PKDCC: variants seen among roughly 807,000 people sequenced by gnomAD.
The protein encoded by PKDCC is protein kinase domain containing, cytoplasmic.
Under a neutral mutation model 44.7 loss-of-function variants are expected in PKDCC, and 35 were observed. The ratio of observed to expected loss-of-function variants is 0.78; its 90% CI spans 0.60 to 1.04. The LOEUF (loss-of-function observed/expected upper bound fraction) is 1.04. Ranked by LOEUF, PKDCC falls within the 50% of genes least tolerant of loss-of-function variation. The pLI is 0.00. For missense variants in PKDCC, 738 were observed against 672.7 expected, an observed-to-expected ratio of 1.10 and a Z score of -1.07; for synonymous variants, 353 against 303.3, an observed-to-expected ratio of 1.16 and a Z score of -1.70.
chr2:42,049,511 A>G (rs940477752), intron 1 of PKDCC, among the ~76,000 whole-genome samples: 1 of 152,178 alleles, frequency 6.6e-6, no homozygotes, highest in Non-Finnish European at 1.5e-5. Context: ...CCCCTGGAGA[A>G]GCCTGAAGGT....
chr2:42,048,286 C>G lies in PKDCC; in HGVS notation c.87C>G (p.Gly29=). ...TCCTCAACGTGCTCTTCGCTCCGGG[C>G]TCGGAGCCTCCGAGGCCAGGCCAGT... The part of the protein sequence containing the change: ...GSVLNVLFAP[G]SEPPRPGQSP... The change falls in exon 1 of 7, where the codon GGC becomes GGG. Residue 29 remains glycine, a synonymous_variant. Coordinates refer to ENST00000294964, the MANE Select transcript of PKDCC (RefSeq NM_138370.3). This position sits in a 1 kb window ranked among gnomAD's most constrained non-coding sequence, Gnocchi z 6.2. The G allele has an allele frequency of 7.9e-7, 1 of 1,272,466 alleles. No homozygotes were observed. Among genetic ancestry groups the G allele is most frequent in the Non-Finnish European group, 1.0e-6 (1 of 1,004,084 alleles). 78.8% of individuals were successfully genotyped at this position (1,272,466 alleles called of 1,614,324 possible). A position where few individuals can be genotyped will look rare whatever the true frequency, so the allele number is the denominator to read the frequency against.
At chr2:42,053,383 G>A in intron 2 of PKDCC, 22 bp downstream of exon 2, 1 of 1,595,552 alleles carries the variant, frequency 6.3e-7, no homozygotes, top group Non-Finnish European at 8.5e-7. Flanking sequence ...GGAGGGCTCG[G>A]GCCCTGGGCT....
chr2:42,048,288 C>G lies in PKDCC; in HGVS notation c.89C>G (p.Ser30Trp). 1 of 1,269,144 alleles carries G rather than the reference C, an allele frequency of 7.9e-7. No homozygotes were observed. 78.6% of individuals were successfully genotyped at this position (1,269,144 alleles called of 1,614,324 possible). Residue 30 changes from serine to tryptophan, a missense_variant, in exon 1 of 7, where the codon TCG becomes TGG. Physicochemically the swap from Ser to Trp is radical, Grantham distance 177. Transcript: ENST00000294964. The surrounding 1 kb of genome is among the most constrained non-coding windows in gnomAD (Gnocchi z 6.2). ...SVLNVLFAPG[S>W]EPPRPGQSPE... is the part of the protein sequence containing the mutation. The stretch of plus-strand genomic sequence containing the variant: ...CTCAACGTGCTCTTCGCTCCGGGCT[C>G]GGAGCCTCCGAGGCCAGGCCAGTCC...
rs1349711661 is a variant in PKDCC at position 42,048,525 on chromosome 2, C to T, written c.326C>T (p.Ser109Phe). 1 of 1,209,762 alleles carries T rather than the reference C, an allele frequency of 8.3e-7. No individual in the cohort carries two copies. The highest frequency in any genetic ancestry group is 1.0e-6 in the Non-Finnish European group (1 of 978,744). 74.9% of individuals were successfully genotyped at this position (1,209,762 alleles called of 1,614,324 possible). A position where few individuals can be genotyped will look rare whatever the true frequency, so the allele number is the denominator to read the frequency against. ...CGGCCCCCTTGGGCCCGGCCCCTGT[C>T]CGACGGCGCCCCAGGCTGGCCCCCG... is the stretch of plus-strand genomic sequence containing the variant. Reference protein sequence around the residue: ...RPRPPWARPLSDGAPGWPPAP... With the variant: ...RPRPPWARPLFDGAPGWPPAP... The change falls in exon 1 of 7, where the codon TCC (serine) becomes TTC (phenylalanine). Residue 109 changes from serine to phenylalanine, a missense_variant. Physicochemically the swap from Ser to Phe is radical, Grantham distance 155 (BLOSUM62 -2). Transcript: ENST00000294964. The surrounding 1 kb of genome is among the most constrained non-coding windows in gnomAD (Gnocchi z 6.2).
intron 1 of PKDCC, 146 bp from the exon 2 acceptor site, chr2:42,053,093 G>A (rs1249016090): frequency 2.3e-6 from 2 of 886,898 alleles, no homozygotes. Flanking sequence ...ATGCTTCCCA[G>A]GCAACGCTGC....
rs2103922050 is a variant in PKDCC at position 42,048,439 on chromosome 2, C to T, written c.240C>T (p.Gly80=). 1 of 1,110,148 alleles carries T rather than the reference C, an allele frequency of 9.0e-7. No individual in the cohort carries two copies. 68.8% of individuals were successfully genotyped at this position (1,110,148 alleles called of 1,614,324 possible). ...YSRGGPGPGA[G]RPERRRLMDL... ...GCGGGGGCCCCGGGCCCGGGGCGGG[C>T]CGGCCGGAGCGGCGGCGCCTGATGG... is the stretch of plus-strand genomic sequence containing the variant. Residue 80 remains glycine (G), a synonymous_variant, in exon 1 of 7, where the codon GGC becomes GGT. Transcript: ENST00000294964. The surrounding 1 kb of genome is among the most constrained non-coding windows in gnomAD (Gnocchi z 6.2).
In PKDCC at chr2:42,055,324, C is replaced by A; in HGVS notation, c.1153C>A (p.Leu385Met). Residue 385 changes from leucine to methionine, a missense_variant, in exon 5 of 7, where the codon CTG becomes ATG. Leu to Met is a conservative substitution (Grantham distance 15). Coordinates refer to ENST00000294964, the MANE Select transcript of PKDCC (RefSeq NM_138370.3). The surrounding 1 kb of genome is among the most constrained non-coding windows in gnomAD (Gnocchi z 4.5). ...GGGGGTGGACGAGACCCTGGCCCAGCTGGAGAAGGTGCTGCACCTGTACCG... is the reference window on the plus strand; with the variant it reads ...GGGGGTGGACGAGACCCTGGCCCAGATGGAGAAGGTGCTGCACCTGTACCG... Reference protein sequence around the residue: ...AWGVDETLAQLEKVLHLYRSG... With the variant: ...AWGVDETLAQMEKVLHLYRSG... The A allele has an allele frequency of 6.2e-7, 1 of 1,613,750 alleles. No individual in the cohort carries two copies. The highest frequency in any genetic ancestry group is 1.1e-5 in the South Asian group (1 of 91,002).
In PKDCC at chr2:42,048,184, C is replaced by T. The variant is rs1457474533; in HGVS notation, c.-16C>T. 1.6e-5 allele frequency: 16 copies of T among 1,019,156 alleles called. No homozygotes were observed. The highest frequency in any genetic ancestry group is 2.9e-5 in the African/African-American group (1 of 34,436). 63.1% of individuals were successfully genotyped at this position (1,019,156 alleles called of 1,614,324 possible). ...GGGGAGCCGCGCGGGGCCGGCCGGC[C>T]GGGGGGAGGGGAGCGATGCGGCGCC... On this transcript the variant is annotated 5_prime_UTR_variant, in exon 1 of 7. Coordinates refer to ENST00000294964, the MANE Select transcript of PKDCC (RefSeq NM_138370.3). This position sits in a 1 kb window ranked among gnomAD's most constrained non-coding sequence, Gnocchi z 6.2.
In PKDCC at chr2:42,055,478, C is replaced by T. The variant is rs1668038992; in HGVS notation, c.1222+85C>T. The T allele has an allele frequency of 8.1e-7, 1 of 1,240,902 alleles. No homozygotes were observed. Among genetic ancestry groups the T allele is most frequent in the African/African-American group, 1.5e-5 (1 of 67,948 alleles). 76.9% of individuals were successfully genotyped at this position (1,240,902 alleles called of 1,614,324 possible). On this transcript the variant is annotated intron_variant, in intron 5 of 6. Coordinates refer to ENST00000294964, the MANE Select transcript of PKDCC (RefSeq NM_138370.3). This position sits in a 1 kb window ranked among gnomAD's most constrained non-coding sequence, Gnocchi z 4.5. ...CCGCCCAATTAGGCTAAGTGGCTCA[C>T]CCTTTCTCTGGGGACCCTTGTCTCC...
In PKDCC at chr2:42,048,678, G is replaced by A; in HGVS notation, c.479G>A (p.Gly160Asp). The change falls in exon 1 of 7, where the codon GGT becomes GAT. Residue 160 changes from glycine (G) to aspartate (D), a missense_variant. Transcript: ENST00000294964. The surrounding 1 kb of genome is among the most constrained non-coding windows in gnomAD (Gnocchi z 6.2). ...KAVYRVRLPGGAAVALKAVDF... is the reference protein window; with the variant it reads ...KAVYRVRLPGDAAVALKAVDF... ...GTGTACCGGGTCCGCCTGCCCGGCG[G>A]TGCCGCGGTGGCGCTCAAGGCGGTG... 1.3e-6 allele frequency: 2 copies of A among 1,547,792 alleles called. No homozygotes were observed. Among genetic ancestry groups the A allele is most frequent in the Non-Finnish European group, 1.7e-6 (2 of 1,146,594 alleles).
chr2:42,049,125 G>T (rs891799922), intron 1 of PKDCC, among the ~76,000 whole-genome samples: 1 of 152,138 alleles, frequency 6.6e-6, no homozygotes, highest in African/African-American at 2.4e-5. Context: ...AGTCCATTAG[G>T]ATTTAGGACT....
At chr2:42,057,051 C>G (rs1668067891) in intron 5 of PKDCC, among the ~76,000 whole-genome samples, 170 bp from the exon 6 acceptor site, 1 of 152,206 alleles carries the variant, frequency 6.6e-6, no homozygotes, top group Non-Finnish European at 1.5e-5. Flanking sequence ...GAGCAGTCAG[C>G]CCTGTTTCAA....
chr2:42,054,327 C>G lies in PKDCC; in HGVS notation c.1034+20C>G, dbSNP rs769618224. Reference sequence around the variant, plus strand: ...CTACAGGTGACCTCCACCCCTGACTCGGGAACTCCATCGAAGGAGAATGGG... The same window carrying G: ...CTACAGGTGACCTCCACCCCTGACTGGGGAACTCCATCGAAGGAGAATGGG... On this transcript the variant is annotated intron_variant, in intron 3 of 6. Coordinates refer to ENST00000294964, the MANE Select transcript of PKDCC (RefSeq NM_138370.3). This position sits in a 1 kb window ranked among gnomAD's most constrained non-coding sequence, Gnocchi z 6.1. 6.3e-7 allele frequency: 1 copy of G among 1,583,716 alleles called. No homozygotes were observed. The highest frequency in any genetic ancestry group is 1.1e-5 in the South Asian group (1 of 87,540).
chr2:42,049,669 C>G (rs77153636), intron 1 of PKDCC, among the ~76,000 whole-genome samples: 2,096 of 152,274 alleles, frequency 0.014, 23 homozygotes, highest in South Asian at 0.038. Context: ...TCACTGGAGA[C>G]ACAGGCGAGA....
chr2:42,055,554 T>C lies in PKDCC; in HGVS notation c.1222+161T>C, dbSNP rs949213688. Reference sequence around the variant, plus strand: ...GAATCATGGAGGGGCTGACATGGACTAATTTGAGGTTCCATCTCTAGCTGA... The same window carrying C: ...GAATCATGGAGGGGCTGACATGGACCAATTTGAGGTTCCATCTCTAGCTGA... On this transcript the variant is annotated intron_variant, in intron 5 of 6. Transcript: ENST00000294964. The surrounding 1 kb of genome is among the most constrained non-coding windows in gnomAD (Gnocchi z 4.5). 6.5e-6 allele frequency: 4 copies of C among 619,694 alleles called. No individual in the cohort carries two copies. In the African/African-American group the frequency reaches 7.4e-5, roughly 11 times the overall value. 38.4% of individuals were successfully genotyped at this position (619,694 alleles called of 1,614,324 possible).
chr2:42,056,066 C>T (rs954454454), intron 5 of PKDCC, among the ~76,000 whole-genome samples: 3 of 152,166 alleles, frequency 2.0e-5, no homozygotes, highest in African/African-American at 7.2e-5. Flanking sequence ...TGGGGGAGCC[C>T]TGTTAGCCCT....
chr2:42,054,823 G>A lies in PKDCC; in HGVS notation c.1035-118G>A. ...AGACTTCACTGCGTTCTGCCTGGTT[G>A]CTAGGCCTGAGGGATCCGGCTCCCT... On this transcript the variant is annotated intron_variant, in intron 3 of 6. Transcript: ENST00000294964. The surrounding 1 kb of genome is among the most constrained non-coding windows in gnomAD (Gnocchi z 6.1). The A allele has an allele frequency of 1.1e-6, 1 of 940,842 alleles. No homozygotes were observed. Among genetic ancestry groups the A allele is most frequent in the South Asian group, 1.4e-5 (1 of 71,382 alleles). 58.3% of individuals were successfully genotyped at this position (940,842 alleles called of 1,614,324 possible). A position where few individuals can be genotyped will look rare whatever the true frequency, so the allele number is the denominator to read the frequency against.
intron 1 of PKDCC, 114 bp from the exon 2 acceptor site, chr2:42,053,125 G>T: frequency 8.1e-7 from 1 of 1,240,764 alleles, no homozygotes; most frequent in Non-Finnish European, 1.1e-6. Context: ...GGCCTGAGCT[G>T]AAGCAAAGGC....
chr2:42,048,372 G>A lies in PKDCC; in HGVS notation c.173G>A (p.Arg58Gln), dbSNP rs1331322341. 1.7e-6 allele frequency: 2 copies of A among 1,160,256 alleles called. No individual in the cohort carries two copies. Among genetic ancestry groups the A allele is most frequent in the Non-Finnish European group, 1.1e-6 (1 of 943,174 alleles). The allele number at this position is 1,160,256 out of a possible 1,614,324, so 71.9% of individuals were successfully genotyped here. The change falls in exon 1 of 7, where the codon CGG becomes CAG. Residue 58 changes from arginine to glutamine, a missense_variant. Transcript: ENST00000294964. This position sits in a 1 kb window ranked among gnomAD's most constrained non-coding sequence, Gnocchi z 6.2. ...GRRGGRGELA[R>Q]QIRARYEEVQ... ...CGCGGGGGCCGCGGGGAGCTGGCCC[G>A]GCAGATCCGGGCGCGCTACGAGGAG...
Sources: allele counts gnomAD v4.1 joint callset (sites outside exome capture counted in the v4.1 genomes callset), GRCh38; gene constraint gnomAD v4.1.1; non-coding constraint Gnocchi (gnomAD v3.1); transcripts MANE v1.5; gene names NCBI Gene and HGNC (gene_info 2026-07-23, HGNC 2026-07-21).